CAST: variants seen among roughly 807,000 people sequenced by gnomAD.
CAST encodes MIR583 host.
CAST carries 76 observed loss-of-function variants against 119.6 expected under a neutral mutation model. That is an observed-to-expected ratio of 0.64 (90% CI 0.53 to 0.77). The LOEUF (loss-of-function observed/expected upper bound fraction) is 0.77, where lower values mean the gene tolerates loss of function less well. CAST is among the 30% of genes least tolerant of loss of function. CAST has a pLI of 0.00. For missense variants in CAST, 953 were observed against 946.5 expected, an observed-to-expected ratio of 1.01 and a Z score of -0.09; for synonymous variants, 319 against 331.6, an observed-to-expected ratio of 0.96 and a Z score of 0.41.
intron 1 of CAST, among the ~76,000 whole-genome samples, chr5:96,572,619 G>A (rs569527902): frequency 3.3e-5 from 5 of 152,288 alleles, no homozygotes; most frequent in South Asian, 2.1e-4. Context: ...ATTTAATGAC[G>A]CTTTAGTGTT....
At chr5:96,690,238 C>A (rs1367781949) in intron 2 of CAST, among the ~76,000 whole-genome samples, 1 of 151,028 alleles carries the variant, frequency 6.6e-6, no homozygotes, top group Non-Finnish European at 1.5e-5. Context: ...ATTTATTTAT[C>A]TATTTTTTTT....
chr5:96,696,458 T>G (rs1275663341), intron 3 of CAST, among the ~76,000 whole-genome samples: 4 of 152,110 alleles, frequency 2.6e-5, no homozygotes, highest in Non-Finnish European at 1.5e-5. Context: ...ATGCTGGGTC[T>G]TATAAACTCC....
At chr5:96,749,056 C>T (rs1381552011) in intron 19 of CAST, among the ~76,000 whole-genome samples, 1 of 152,190 alleles carries the variant, frequency 6.6e-6, no homozygotes, top group Non-Finnish European at 1.5e-5. Flanking sequence ...ATTCTTGACC[C>T]AGTTTTCTTT....
At chr5:96,076,617 C>T in the CAST span, among the ~76,000 whole-genome samples, 1 of 152,144 alleles carries the variant, frequency 6.6e-6, no homozygotes, top group Non-Finnish European at 1.5e-5. Context: ...GCATTTAGGG[C>T]AGGGTTTTAG....
chr5:96,730,429 A>G (rs1760212383), intron 8 of CAST, among the ~76,000 whole-genome samples: 1 of 152,208 alleles, frequency 6.6e-6, no homozygotes, highest in South Asian at 2.1e-4. Context: ...ATTTCACATA[A>G]CATCCCAAAT....
chr5:96,280,425 T>C, the CAST span, among the ~76,000 whole-genome samples: 1 of 152,230 alleles, frequency 6.6e-6, no homozygotes, highest in Non-Finnish European at 1.5e-5. Flanking sequence ...AACAATGAAG[T>C]AGAATTCACA....
At chr5:96,268,260 G>A in the CAST span, among the ~76,000 whole-genome samples, 1 of 152,076 alleles carries the variant, frequency 6.6e-6, no homozygotes, top group Non-Finnish European at 1.5e-5. Flanking sequence ...AATGTAAAAG[G>A]GTTTAATTCT....
At chr5:96,428,974 A>G in the CAST span, among the ~76,000 whole-genome samples, 3 of 152,160 alleles carry the variant, frequency 2.0e-5, no homozygotes, top group African/African-American at 4.8e-5. Context: ...ATGTAATTAT[A>G]TAATTAAACT....
At chr5:96,312,423 C>T in the CAST span, among the ~76,000 whole-genome samples, 2 of 152,150 alleles carry the variant, frequency 1.3e-5, no homozygotes, top group African/African-American at 4.8e-5. Context: ...CTTTGACAAA[C>T]ATTTTATTGA....
the CAST span, among the ~76,000 whole-genome samples, chr5:96,147,299 T>G: frequency 6.6e-6 from 1 of 152,242 alleles, no homozygotes; most frequent in Non-Finnish European, 1.5e-5. Flanking sequence ...AAAACTACTT[T>G]TAACCTTGTT....
chr5:96,098,353 T>C, the CAST span, among the ~76,000 whole-genome samples: 1 of 152,196 alleles, frequency 6.6e-6, no homozygotes, highest in East Asian at 1.9e-4. Context: ...ATTTTTGTTT[T>C]TGTTGCAATT....
At chr5:96,264,685 T>C in the CAST span, among the ~76,000 whole-genome samples, 1 of 152,248 alleles carries the variant, frequency 6.6e-6, no homozygotes, top group Non-Finnish European at 1.5e-5. Flanking sequence ...ATTCATCCTG[T>C]GGGCATTTGA....
the CAST span, among the ~76,000 whole-genome samples, chr5:96,125,416 A>G: frequency 6.6e-6 from 1 of 152,166 alleles, no homozygotes; most frequent in Non-Finnish European, 1.5e-5. Flanking sequence ...TTAGCTCTTT[A>G]AAGTTCAAAG....
At chr5:96,110,833 A>C in the CAST span, 2 of 152,208 alleles carry the variant, frequency 1.3e-5, no homozygotes, top group African/African-American at 4.8e-5. Flanking sequence ...AAATGTTTTC[A>C]ATTCTAAAAA....
the CAST span, among the ~76,000 whole-genome samples, chr5:96,299,700 T>C: frequency 6.6e-6 from 1 of 152,234 alleles, no homozygotes. Context: ...AGCATGTGGT[T>C]TGGTAGAAAA....
chr5:96,049,053 G>A, the CAST span, among the ~76,000 whole-genome samples: 1 of 152,294 alleles, frequency 6.6e-6, no homozygotes, highest in African/African-American at 2.4e-5. Flanking sequence ...TTTGTGCTTT[G>A]CTCAGGTTTG....
intron 1 of CAST, among the ~76,000 whole-genome samples, chr5:96,553,844 C>A (rs1201723428): frequency 1.3e-5 from 2 of 152,258 alleles, no homozygotes; most frequent in East Asian, 1.9e-4. Context: ...ATCCAACTTA[C>A]AAGGGATGTG....
chr5:96,634,536 T>C (rs1201226431), intron 1 of CAST, among the ~76,000 whole-genome samples: 10 of 152,188 alleles, frequency 6.6e-5, no homozygotes, highest in Non-Finnish European at 4.4e-5. Context: ...GACCAGAGAA[T>C]TGGAGCTTCA....
chr5:96,534,789 GAA>G (rs1298724367), intron 1 of CAST, among the ~76,000 whole-genome samples: 1 of 110,322 alleles, frequency 9.1e-6, no homozygotes, highest in African/African-American at 3.5e-5. Context: ...AAGAAAGAAA[GAA>G]AGAAAGAAAG....
Sources: allele counts gnomAD v4.1 joint callset (sites outside exome capture counted in the v4.1 genomes callset), GRCh38; gene constraint gnomAD v4.1.1; transcripts MANE v1.5; gene names NCBI Gene and HGNC (gene_info 2026-07-23, HGNC 2026-07-21).